PI4KA: variants seen among roughly 807,000 people sequenced by gnomAD.
PI4KA encodes phosphatidylinositol 4-kinase alpha.
Under a neutral mutation model 271.4 loss-of-function variants are expected in PI4KA, and 122 were observed. That is an observed-to-expected ratio of 0.45 (90% CI 0.39 to 0.52). The LOEUF (loss-of-function observed/expected upper bound fraction) is 0.52, where lower values mean the gene tolerates loss of function less well. PI4KA is among the 20% of genes least tolerant of loss of function. PI4KA has a pLI of 0.00. For synonymous variants in PI4KA, 1,041 were observed against 1,078.8 expected (o/e 0.96, Z 0.69); for missense variants, 1,969 against 2,769.1 (o/e 0.71, Z 6.48).
intron 29 of PI4KA, 75 bp downstream of exon 29, chr22:20,747,508 G>T: frequency 6.6e-7 from 1 of 1,524,300 alleles, no homozygotes; most frequent in South Asian, 1.2e-5. Context: ...AGCGACAGCC[G>T]AGCTCTAAGC....
Position 20,718,739 on chromosome 22 carries a change from C to A in PI4KA, c.5200G>T (p.Glu1734Ter). 6.2e-7 allele frequency: 1 copy of A among 1,613,968 alleles called. No homozygotes were observed. Among genetic ancestry groups the A allele is most frequent in the Non-Finnish European group, 8.5e-7 (1 of 1,179,934 alleles). ...SGPAKDFYQREFDFFNKITNV... is the reference protein window; with the variant it reads ...SGPAKDFYQR ...GTGATCTTGTTAAAGAAATCAAACT[C>A]CCGCTGGTAAAAGTCCTTCGCTGGG... Residue 1734 changes from glutamate to a stop codon, truncating the protein, a stop_gained, in exon 44 of 55, where the codon GAG becomes TAG. Coordinates refer to ENST00000255882, the MANE Select transcript of PI4KA (RefSeq NM_058004.4). LOFTEE classifies it high-confidence loss of function.
intron 32 of PI4KA, among the ~76,000 whole-genome samples, chr22:20,737,232 G>C (rs1160527593): frequency 6.6e-6 from 1 of 152,182 alleles, no homozygotes; most frequent in Non-Finnish European, 1.5e-5. Context: ...CTTTATTCTG[G>C]AGGATGAAAG....
intron 7 of PI4KA, among the ~76,000 whole-genome samples, chr22:20,817,589 G>A (rs1349474705): frequency 1.3e-5 from 2 of 151,156 alleles, no homozygotes; most frequent in African/African-American, 4.9e-5. Flanking sequence ...ACACAAGTTA[G>A]TGGGCGTTGT....
rs745509546 is a variant in PI4KA, at chr22:20,802,062, G to C, written c.1635C>G (p.Ser545=). ...DIKISVTNEH[S]ESTLNVMSGK... ...CCGACATGACGTTCAGGGTTGACTC[G>C]GAATGCTCATTGGTCACACTGATTT... is the stretch of plus-strand genomic sequence containing the variant. Residue 545 remains serine (S), a synonymous_variant, in exon 14 of 55, where the codon TCC becomes TCG. Transcript: ENST00000255882. 1 of 1,613,898 alleles carries C rather than the reference G, an allele frequency of 6.2e-7. No homozygotes were observed. Among genetic ancestry groups the C allele is most frequent in the South Asian group, 1.1e-5 (1 of 91,074 alleles).
intron 10 of PI4KA, 69 bp from the exon 11 acceptor site, chr22:20,805,234 G>A (rs935227022): frequency 1.2e-5 from 13 of 1,093,268 alleles, no homozygotes; most frequent in African/African-American, 3.1e-5. Flanking sequence ...TGCTAGCAGC[G>A]GCTACAGTCT....
intron 1 of PI4KA, among the ~76,000 whole-genome samples, chr22:20,841,563 A>C (rs1327508970): frequency 6.6e-6 from 1 of 152,108 alleles, no homozygotes; most frequent in Non-Finnish European, 1.5e-5. Flanking sequence ...AAAAAGAACA[A>C]CTCAGAGATC....
Position 20,740,744 on chromosome 22 carries a change from A to G in PI4KA, c.3741+1484T>C, listed in dbSNP as rs144523345. 1.2e-4 allele frequency among the ~76,000 whole-genome samples: 19 copies of G among 152,368 alleles called. No individual in the cohort carries two copies. In the East Asian group the frequency reaches 3.5e-3, roughly 28 times the overall value. Reference sequence around the variant, plus strand: ...TGGAGGGCCGGCTGTACTGAGAAACAAAAAGACTGTTGACTTCTCTCCAGA... The same window carrying G: ...TGGAGGGCCGGCTGTACTGAGAAACGAAAAGACTGTTGACTTCTCTCCAGA... On this transcript the variant is annotated intron_variant, in intron 32 of 54. Transcript: ENST00000255882.
chr22:20,794,684 C>G (rs1340759906), intron 18 of PI4KA, among the ~76,000 whole-genome samples: 1 of 152,262 alleles, frequency 6.6e-6, no homozygotes, highest in Non-Finnish European at 1.5e-5. Flanking sequence ...ATCTAAAGTG[C>G]CCCTCACCAC....
chr22:20,747,262 G>A (rs1223811985), intron 29 of PI4KA, among the ~76,000 whole-genome samples: 7 of 152,076 alleles, frequency 4.6e-5, no homozygotes, highest in Non-Finnish European at 8.8e-5. Context: ...CGCGCTGCCC[G>A]TGTCAGGCGG....
chr22:20,712,109 G>A (rs549626600), intron 50 of PI4KA, among the ~76,000 whole-genome samples: 1 of 148,684 alleles, frequency 6.7e-6, no homozygotes, highest in South Asian at 2.1e-4. Context: ...CCAGGCTGGA[G>A]TGCAGTGGCG....
chr22:20,714,763 T>C (rs1478809485), intron 45 of PI4KA, 63 bp from the exon 46 acceptor site: 1 of 1,555,566 alleles, frequency 6.4e-7, no homozygotes, highest in Non-Finnish European at 8.7e-7. Flanking sequence ...CCAGAGTCAG[T>C]TTCCAACACG....
chr22:20,757,521 A>C (rs188908870), intron 23 of PI4KA, among the ~76,000 whole-genome samples: 307 of 152,134 alleles, frequency 2.0e-3, no homozygotes, highest in African/African-American at 7.1e-3. Context: ...ATTCTCTAGA[A>C]GGCTGGCAAA....
At chr22:20,848,324 T>TA (rs1232191470) in intron 1 of PI4KA, among the ~76,000 whole-genome samples, 1 of 149,826 alleles carries the variant, frequency 6.7e-6, no homozygotes, top group Non-Finnish European at 1.5e-5. Context: ...GTCAAAACCC[T>TA]AGGTGAGTTC....
intron 12 of PI4KA, among the ~76,000 whole-genome samples, chr22:20,803,962 C>T (rs1183402383): frequency 6.6e-6 from 1 of 152,230 alleles, no homozygotes; most frequent in African/African-American, 2.4e-5. Flanking sequence ...GCAGAGCTAG[C>T]ACTGTGGGTG....
At chr22:20,798,446 C>A (rs906784631) in intron 17 of PI4KA, 138 bp downstream of exon 17, 1 of 676,230 alleles carries the variant, frequency 1.5e-6, no homozygotes, top group African/African-American at 1.8e-5. Flanking sequence ...TTCACTTCCC[C>A]CCTTATGTGT....
intron 3 of PI4KA, among the ~76,000 whole-genome samples, chr22:20,833,008 T>C (rs1371525968): frequency 6.6e-6 from 1 of 152,186 alleles, no homozygotes; most frequent in Non-Finnish European, 1.5e-5. Context: ...CTTTCTTATC[T>C]TCATTGGCTA....
chr22:20,728,578 G>C (rs1456377465), intron 39 of PI4KA, among the ~76,000 whole-genome samples: 1 of 152,256 alleles, frequency 6.6e-6, no homozygotes, highest in Non-Finnish European at 1.5e-5. Context: ...GGTCCATGAA[G>C]GGGCAGCTAC....
chr22:20,759,397 CTTTTCTTT>C (rs1931710256), intron 23 of PI4KA, among the ~76,000 whole-genome samples: 1 of 125,416 alleles, frequency 8.0e-6, no homozygotes, highest in South Asian at 2.6e-4. Flanking sequence ...TTTTTCTTTT[CTTTTCTTT>C]TTTTTTTTTT....
chr22:20,757,389 A>C (rs1157687665), intron 23 of PI4KA, among the ~76,000 whole-genome samples: 1 of 152,214 alleles, frequency 6.6e-6, no homozygotes, highest in East Asian at 1.9e-4. Context: ...GTGAGGAGGA[A>C]CAATCAGTCC....
Sources: gnomAD v4.1 joint callset for allele counts (sites outside exome capture counted in the v4.1 genomes callset) on GRCh38, gnomAD v4.1.1 for gene constraint, MANE v1.5 for transcripts, NCBI Gene and HGNC (gene_info 2026-07-23, HGNC 2026-07-21) for gene names.